The following UTS2B variants were observed in gnomAD, a reference collection of about 807,000 sequenced individuals.
UTS2B encodes urotensin 2B.
UTS2B carries 21 observed loss-of-function variants against 19.2 expected under a neutral mutation model. That is an observed-to-expected ratio of 1.09 (90% confidence interval 0.78 to 1.58). The LOEUF is 1.58. Ranked by LOEUF, UTS2B falls within the 40% of genes most tolerant of loss-of-function variation. UTS2B has a pLI of 0.00. For missense variants in UTS2B, 138 were observed against 130.3 expected (o/e 1.06, Z -0.29); for synonymous variants, 57 against 50.2 (o/e 1.14, Z -0.58).
intron 3 of UTS2B, among the ~76,000 whole-genome samples, chr3:191,305,498 A>AT (rs1309330901): frequency 2.0e-5 from 3 of 151,526 alleles, no homozygotes; most frequent in Non-Finnish European, 2.9e-5. Context: ...TCCTTTGCTC[A>AT]TTTTTTTAAT....
chr3:191,310,812 A>G (rs1043771803), intron 3 of UTS2B, among the ~76,000 whole-genome samples: 2 of 152,220 alleles, frequency 1.3e-5, no homozygotes, highest in African/African-American at 4.8e-5. Context: ...GATTGAACAG[A>G]TGAATTGATC....
rs9847278 is a variant in UTS2B at position 191,329,743 on chromosome 3, A to G, written c.-665+671T>C. Reference sequence around the variant, plus strand: ...AGGAAGGTAAGGGCCCCGGAGGGAGAGCGCGCGGGACCCTCCCCTCTCCCA... The same window carrying G: ...AGGAAGGTAAGGGCCCCGGAGGGAGGGCGCGCGGGACCCTCCCCTCTCCCA... On this transcript the variant is annotated intron_variant, in intron 1 of 8. Transcript: ENST00000340524. 0.57 allele frequency: 920,120 copies of G among 1,602,756 alleles called. 272,951 individuals carry two copies. Among genetic ancestry groups the G allele is most frequent in the East Asian group, 0.9 (39,922 of 44,388 alleles).
At chr3:191,269,026 A>T (rs1716017837) in intron 8 of UTS2B, among the ~76,000 whole-genome samples, 1 of 152,244 alleles carries the variant, frequency 6.6e-6, no homozygotes, top group African/African-American at 2.4e-5. Context: ...CAAACCAAAT[A>T]TATTAGCATT....
the UTS2B span, among the ~76,000 whole-genome samples, chr3:191,344,844 G>T: frequency 6.6e-6 from 1 of 152,328 alleles, no homozygotes; most frequent in South Asian, 2.1e-4. Flanking sequence ...ATCCCAAAGT[G>T]CTGGGATTAC....
chr3:191,338,232 T>G, the UTS2B span, among the ~76,000 whole-genome samples: 5,196 of 152,348 alleles, frequency 0.034, 154 homozygotes, highest in Admixed American at 0.092. Context: ...AGTATTATAT[T>G]CACTAATTTT....
intron 8 of UTS2B, among the ~76,000 whole-genome samples, chr3:191,272,334 AAG>A (rs1261766881): frequency 6.6e-6 from 1 of 152,254 alleles, no homozygotes; most frequent in African/African-American, 2.4e-5. Context: ...TTGAAAAATT[AAG>A]AGTTATTTTA....
chr3:191,321,457 T>C (rs78204017), intron 2 of UTS2B, among the ~76,000 whole-genome samples: 36,678 of 152,180 alleles, frequency 0.24, 4,964 homozygotes, highest in Non-Finnish European at 0.3. Context: ...GATATATGAA[T>C]TGCCTGAAAT....
upstream of UTS2B, among the ~76,000 whole-genome samples, chr3:191,331,383 CAT>C (rs1470586538): frequency 2.0e-5 from 3 of 152,174 alleles, no homozygotes; most frequent in South Asian, 4.1e-4. Context: ...TGTATTCTAA[CAT>C]ATTATTTCTC....
intron 3 of UTS2B, among the ~76,000 whole-genome samples, chr3:191,312,979 G>A (rs1438115542): frequency 3.3e-5 from 5 of 151,908 alleles, no homozygotes; most frequent in Non-Finnish European, 7.4e-5. Flanking sequence ...CAAGGTCATA[G>A]GATAAGTGTA....
chr3:191,283,551 A>G (rs1716449883), intron 4 of UTS2B, among the ~76,000 whole-genome samples: 1 of 152,180 alleles, frequency 6.6e-6, no homozygotes, highest in Admixed American at 6.5e-5. Flanking sequence ...TCCACTATCA[A>G]ATTGTAAATA....
chr3:191,291,927 C>G (rs2108585366), intron 4 of UTS2B, among the ~76,000 whole-genome samples: 1 of 152,106 alleles, frequency 6.6e-6, no homozygotes, highest in African/African-American at 2.4e-5. Context: ...TATTTCTGAA[C>G]TATAAATTTT....
In UTS2B at chr3:191,310,483, T is replaced by C. The variant is rs1463970026; in HGVS notation, c.-182+5553A>G. 2.6e-5 allele frequency among the ~76,000 whole-genome samples: 4 copies of C among 152,354 alleles called. No individual in the cohort carries two copies. In the East Asian group the frequency reaches 7.7e-4, roughly 29 times the overall value. On this transcript the variant is annotated intron_variant, in intron 3 of 8. Coordinates refer to ENST00000340524, the MANE Select transcript of UTS2B (RefSeq NM_198152.5). ...ATCCTGTAACAAATCCTATTTAGTG[T>C]GCAGAAATCATTTGTCCCTTATACC...
At chr3:191,304,309 T>C (rs769039226) in intron 4 of UTS2B, among the ~76,000 whole-genome samples, 183 bp downstream of exon 4, 7 of 152,212 alleles carry the variant, frequency 4.6e-5, no homozygotes, top group Admixed American at 3.3e-4. Flanking sequence ...TAGTGAAAGA[T>C]GGGAATTTGA....
chr3:191,329,837 T>C, intron 1 of UTS2B: 1 of 1,010,050 alleles, frequency 9.9e-7, no homozygotes, highest in South Asian at 1.4e-5. Flanking sequence ...GTGCCCGCCC[T>C]GCGTTGGCCT....
At chr3:191,307,973 C>T (rs1273779650) in intron 3 of UTS2B, among the ~76,000 whole-genome samples, 1 of 151,714 alleles carries the variant, frequency 6.6e-6, no homozygotes, top group Non-Finnish European at 1.5e-5. Flanking sequence ...GTAGCTGGGA[C>T]TTTAGGCACA....
At chr3:191,324,431 T>A (rs1022846177) in intron 2 of UTS2B, among the ~76,000 whole-genome samples, 1 of 152,226 alleles carries the variant, frequency 6.6e-6, no homozygotes, top group Non-Finnish European at 1.5e-5. Flanking sequence ...GCTCCCATAA[T>A]TCCCACATGT....
chr3:191,273,467 G>C, intron 8 of UTS2B: 1 of 456,666 alleles, frequency 2.2e-6, no homozygotes, highest in South Asian at 1.5e-5. Flanking sequence ...TGTCCCTTCC[G>C]AACTGAGGCA....
At chr3:191,278,482 G>A (rs1221948072) in intron 5 of UTS2B, among the ~76,000 whole-genome samples, 1 of 151,804 alleles carries the variant, frequency 6.6e-6, no homozygotes, top group Non-Finnish European at 1.5e-5. Flanking sequence ...CTGTGTTTCT[G>A]GAATTTTCTA....
At chr3:191,324,160 G>T (rs1245057290) in intron 2 of UTS2B, among the ~76,000 whole-genome samples, 1 of 152,188 alleles carries the variant, frequency 6.6e-6, no homozygotes, top group Non-Finnish European at 1.5e-5. Flanking sequence ...AGAGACCTTA[G>T]CTAGATCATT....
Sources: gnomAD v4.1 joint callset for allele counts (sites outside exome capture counted in the v4.1 genomes callset) on GRCh38, gnomAD v4.1.1 for gene constraint, MANE v1.5 for transcripts, NCBI Gene and HGNC (gene_info 2026-07-23, HGNC 2026-07-21) for gene names.